PKP1: variants seen among roughly 807,000 people sequenced by gnomAD.
PKP1 encodes plakophilin 1, also known as plakophilin-1.
A neutral mutation model predicts 76.4 loss-of-function variants in PKP1; 27 were observed. The observed-to-expected ratio is 0.35, with a 90% confidence interval of 0.26 to 0.49. The LOEUF is 0.49. PKP1 is among the 20% of genes least tolerant of loss of function. The pLI, the probability that PKP1 is intolerant of heterozygous loss-of-function variation, is 0.99. For synonymous variants in PKP1, 404 were observed against 384.2 expected (o/e 1.05, Z -0.60); for missense variants, 964 against 955.2 (o/e 1.01, Z -0.12).
intron 3 of PKP1, 149 bp from the exon 4 acceptor site, chr1:201,316,404 A>G (rs1656749163): frequency 2.7e-6 from 2 of 730,386 alleles, no homozygotes; most frequent in Non-Finnish European, 2.3e-6. Context: ...TCCCAGGGGT[A>G]TTCTCCAAGT....
chr1:201,311,429 C>A (rs953054968), intron 2 of PKP1, among the ~76,000 whole-genome samples: 1 of 152,138 alleles, frequency 6.6e-6, no homozygotes, highest in South Asian at 2.1e-4. Context: ...CACAGCTGGG[C>A]GTGTGGGTGA....
intron 12 of PKP1, among the ~76,000 whole-genome samples, chr1:201,327,243 G>A (rs1022642570): frequency 1.3e-5 from 2 of 152,208 alleles, no homozygotes; most frequent in East Asian, 3.9e-4. Context: ...GGAGGAGAGG[G>A]AGTAGGCAAA....
intron 1 of PKP1, among the ~76,000 whole-genome samples, chr1:201,289,353 A>C (rs1655832630): frequency 6.6e-6 from 1 of 152,232 alleles, no homozygotes; most frequent in African/African-American, 2.4e-5. Flanking sequence ...TCCTTTCTCA[A>C]GCTTTTCATG....
At chr1:201,308,341 A>T (rs1656429165) in intron 2 of PKP1, among the ~76,000 whole-genome samples, 1 of 152,158 alleles carries the variant, frequency 6.6e-6, no homozygotes, top group Admixed American at 6.5e-5. Flanking sequence ...CCTAGCACAA[A>T]TTCTCACAGT....
At chr1:201,314,632 G>A (rs940354561) in intron 3 of PKP1, among the ~76,000 whole-genome samples, 3 of 152,238 alleles carry the variant, frequency 2.0e-5, no homozygotes, top group East Asian at 1.9e-4. Context: ...AGCCATAGAC[G>A]CAGAGGTGTC....
intron 12 of PKP1, among the ~76,000 whole-genome samples, chr1:201,327,921 C>T (rs1360929338): frequency 1.3e-5 from 2 of 152,088 alleles, no homozygotes; most frequent in South Asian, 4.1e-4. Flanking sequence ...GAGCCATGCT[C>T]GACAGGAATG....
At chr1:201,321,187 G>A (rs1028936554) in intron 7 of PKP1, among the ~76,000 whole-genome samples, 35 of 152,168 alleles carry the variant, frequency 2.3e-4, no homozygotes, top group African/African-American at 7.7e-4. Context: ...GGGCCACAGA[G>A]GAGAGCCTTG....
chr1:201,323,322 T>A, intron 9 of PKP1, 133 bp downstream of exon 9: 2 of 822,244 alleles, frequency 2.4e-6, no homozygotes, highest in Non-Finnish European at 4.0e-6. Context: ...GCCTGGCATA[T>A]GCTGGGCTCT....
rs34769677 is a variant in PKP1 at position 201,313,438 on chromosome 1, G to T, written c.579G>T (p.Gln193His). Residue 193 changes from glutamine (Q) to histidine (H), a missense_variant, in exon 3 of 14, where the codon CAG becomes CAT. Transcript: ENST00000367324. ...RYSFYSTCSG[Q>H]KAIKKCPVRP... ...GCTTTTACAGCACCTGCAGTGGTCA[G>T]AAGGCCATAAAGAAGTGCCCTGTGC... is the stretch of plus-strand genomic sequence containing the variant. 1 of 1,603,758 alleles carries T rather than the reference G, an allele frequency of 6.2e-7. No homozygotes were observed. The highest frequency in any genetic ancestry group is 1.7e-5 in the Admixed American group (1 of 58,176).
rs1360298323 is a variant in PKP1, at chr1:201,308,555, T to C, written c.307-4611T>C. On this transcript the variant is annotated intron_variant, in intron 2 of 13. Transcript: ENST00000367324. ...TGGGTTAGAACAGGCCTTTTGGAGA[T>C]GACAGGTGGAGAAGAGGCCTTAGAT... Among the ~76,000 whole-genome samples the C allele has an allele frequency of 6.6e-5, 10 of 152,206 alleles. No individual in the cohort carries two copies. The East Asian group carries it at 1.9e-3, about 29-fold the overall frequency.
chr1:201,287,864 T>C (rs1655783310), intron 1 of PKP1, among the ~76,000 whole-genome samples: 1 of 152,224 alleles, frequency 6.6e-6, no homozygotes, highest in Non-Finnish European at 1.5e-5. Context: ...TGTGTAATGT[T>C]TGAACAAAAT....
intron 2 of PKP1, among the ~76,000 whole-genome samples, chr1:201,302,879 C>A (rs1656276264): frequency 6.6e-6 from 1 of 152,240 alleles, no homozygotes. Context: ...GAACTGCCTT[C>A]CTTCAGAAGA....
intron 11 of PKP1, 60 bp downstream of exon 11, chr1:201,325,187 C>G (rs893573028): frequency 3.8e-5 from 58 of 1,511,848 alleles, no homozygotes; most frequent in Non-Finnish European, 5.3e-5. Flanking sequence ...TCACCCTGCA[C>G]AGCAGGAAGC....
intron 2 of PKP1, among the ~76,000 whole-genome samples, chr1:201,299,437 C>A (rs1479921406): frequency 6.6e-6 from 1 of 152,172 alleles, no homozygotes; most frequent in Non-Finnish European, 1.5e-5. Context: ...CTGGAGTGGA[C>A]TTCACCTCTC....
At chr1:201,310,388 G>T (rs573289953) in intron 2 of PKP1, among the ~76,000 whole-genome samples, 12 of 152,364 alleles carry the variant, frequency 7.9e-5, no homozygotes, top group African/African-American at 2.4e-4. Context: ...CAACGACAAG[G>T]CCAGGCAGGC....
At chr1:201,306,917 G>T (rs191367609) in intron 2 of PKP1, among the ~76,000 whole-genome samples, 1 of 152,122 alleles carries the variant, frequency 6.6e-6, no homozygotes, top group Non-Finnish European at 1.5e-5. Flanking sequence ...TGATCCGCCC[G>T]CCTCGGCCTC....
At chr1:201,309,714 C>G (rs1164042277) in intron 2 of PKP1, among the ~76,000 whole-genome samples, 1 of 152,212 alleles carries the variant, frequency 6.6e-6, no homozygotes, top group African/African-American at 2.4e-5. Flanking sequence ...GCATCCTCTT[C>G]TGGCTGCAGC....
intron 4 of PKP1, among the ~76,000 whole-genome samples, chr1:201,317,107 AGCTTT>A (rs988266827): frequency 1.3e-5 from 2 of 152,054 alleles, no homozygotes; most frequent in Non-Finnish European, 2.9e-5. Flanking sequence ...ATGCCTCCAA[AGCTTT>A]GCTGGCAGGA....
chr1:201,328,641 T>G lies in PKP1; in HGVS notation c.2107-121T>G, dbSNP rs1279321620. Reference sequence around the variant, plus strand: ...CAGTTTTCGCCCTGACACATGTACTTAGTGATAAGAGAGAGGCTGTGTGAG... The same window carrying G: ...CAGTTTTCGCCCTGACACATGTACTGAGTGATAAGAGAGAGGCTGTGTGAG... On this transcript the variant is annotated intron_variant, in intron 12 of 13. Transcript: ENST00000367324. The G allele has an allele frequency of 1.1e-5, 9 of 836,984 alleles. No homozygotes were observed. The East Asian group carries it at 1.9e-4, about 18-fold the overall frequency. 51.8% of individuals were successfully genotyped at this position (836,984 alleles called of 1,614,324 possible).
Sources: gnomAD v4.1 joint callset for allele counts (sites outside exome capture counted in the v4.1 genomes callset) on GRCh38, gnomAD v4.1.1 for gene constraint, MANE v1.5 for transcripts, NCBI Gene and HGNC (gene_info 2026-07-23, HGNC 2026-07-21) for gene names.